The following GPR141 variants were observed in gnomAD, a reference collection of about 807,000 sequenced individuals.
The protein encoded by GPR141 is probable G protein-coupled receptor 141.
In GPR141, 6 loss-of-function variants were observed where a neutral mutation model predicts 6.8. The ratio of observed to expected loss-of-function variants is 0.88; its 90% confidence interval spans 0.48 to 1.74. The LOEUF is 1.74. GPR141 is among the 40% of genes most tolerant of loss of function. GPR141 has a pLI of 0.01. For missense variants in GPR141, 372 were observed against 372.9 expected, an observed-to-expected ratio of 1.00 and a Z score of 0.02; for synonymous variants, 140 against 142.3, an observed-to-expected ratio of 0.98 and a Z score of 0.11.
Position 37,714,965 on chromosome 7 carries a change from T to A in GPR141, c.-14-25415T>A, listed in dbSNP as rs549057575. 1.8e-4 allele frequency among the ~76,000 whole-genome samples: 27 copies of A among 152,366 alleles called. No individual in the cohort carries two copies. In the South Asian group the frequency reaches 3.5e-3, roughly 20 times the overall value. On this transcript the variant is annotated intron_variant, in intron 2 of 2. Coordinates refer to ENST00000334425, the MANE Select transcript of GPR141 (RefSeq NM_001381946.1). Reference sequence around the variant, plus strand: ...ATAGCATTTCTTTTCTGGATATTATTTGTCTTTATCCTGAATTCTGCAAAA... The same window carrying A: ...ATAGCATTTCTTTTCTGGATATTATATGTCTTTATCCTGAATTCTGCAAAA...
chr7:37,724,603 A>G (rs1313259101), intron 2 of GPR141, among the ~76,000 whole-genome samples: 2 of 152,172 alleles, frequency 1.3e-5, no homozygotes, highest in Non-Finnish European at 2.9e-5. Context: ...TTTTCTCAAT[A>G]TATTTTGGAT....
chr7:37,710,266 T>A (rs970431185), intron 2 of GPR141, among the ~76,000 whole-genome samples: 2 of 152,134 alleles, frequency 1.3e-5, no homozygotes, highest in African/African-American at 4.8e-5. Flanking sequence ...TTATGGAAAA[T>A]TTGAAATCTG....
At chr7:37,717,551 C>G (rs1180628605) in intron 2 of GPR141, among the ~76,000 whole-genome samples, 3 of 152,152 alleles carry the variant, frequency 2.0e-5, no homozygotes, top group Non-Finnish European at 4.4e-5. Context: ...CCATCCCTGA[C>G]ATTTTCTGCC....
At chr7:37,734,748 C>T (rs1201349685) in intron 2 of GPR141, among the ~76,000 whole-genome samples, 1 of 152,096 alleles carries the variant, frequency 6.6e-6, no homozygotes, top group African/African-American at 2.4e-5. Flanking sequence ...GAGAAAACTT[C>T]CCTAAAGAAC....
chr7:37,715,589 AG>A, intron 2 of GPR141, among the ~76,000 whole-genome samples: 1 of 152,348 alleles, frequency 6.6e-6, no homozygotes, highest in East Asian at 1.9e-4. Context: ...TTACAGATGA[AG>A]AAACAATGGC....
intron 2 of GPR141, among the ~76,000 whole-genome samples, chr7:37,739,910 G>A (rs1812441589): frequency 6.6e-6 from 1 of 152,066 alleles, no homozygotes; most frequent in Non-Finnish European, 1.5e-5. Context: ...AATGAATTAA[G>A]TATGAATATT....
intron 2 of GPR141, among the ~76,000 whole-genome samples, chr7:37,720,240 C>T (rs1056780490): frequency 6.6e-6 from 1 of 152,084 alleles, no homozygotes; most frequent in African/African-American, 2.4e-5. Flanking sequence ...GAGGGCCTGC[C>T]CCAGGCACTC....
chr7:37,740,005 C>T (rs190515510), intron 2 of GPR141, among the ~76,000 whole-genome samples: 1 of 152,088 alleles, frequency 6.6e-6, no homozygotes, highest in South Asian at 2.1e-4. Context: ...CTTCATGAAT[C>T]CATCGATCTT....
chr7:37,740,908 A>G lies in GPR141; in HGVS notation c.515A>G (p.Glu172Gly). The G allele has an allele frequency of 1.9e-6, 3 of 1,614,128 alleles. No individual in the cohort carries two copies. Among genetic ancestry groups the G allele is most frequent in the African/African-American group, 1.3e-5 (1 of 75,042 alleles). ...NEEHCFKFHK[E>G]LAYTYVKIIN... ...GAGCACTGTTTTAAATTTCACAAAG[A>G]GCTTGCTTACACATATGTGAAAATC... The change falls in exon 3 of 3, where the codon GAG becomes GGG. Residue 172 changes from glutamate (E) to glycine (G), a missense_variant. Glu to Gly is a moderately conservative substitution (Grantham distance 98). Coordinates refer to ENST00000334425, the MANE Select transcript of GPR141 (RefSeq NM_001381946.1).
At chr7:37,721,665 C>T (rs182996152) in intron 2 of GPR141, among the ~76,000 whole-genome samples, 90 of 152,192 alleles carry the variant, frequency 5.9e-4, no homozygotes, top group Non-Finnish European at 1.1e-3. Flanking sequence ...TTTTTGTTGG[C>T]GTGGCAGCTG....
intron 2 of GPR141, among the ~76,000 whole-genome samples, chr7:37,710,571 A>G (rs1194427493): frequency 1.3e-5 from 2 of 152,168 alleles, no homozygotes; most frequent in Admixed American, 1.3e-4. Flanking sequence ...TCATATTTTT[A>G]CAGTTGATTT....
intron 2 of GPR141, among the ~76,000 whole-genome samples, chr7:37,697,205 T>C (rs1050111446): frequency 6.6e-6 from 1 of 152,104 alleles, no homozygotes; most frequent in Admixed American, 6.5e-5. Flanking sequence ...AGATACTTAA[T>C]TACGAGAAAT....
At chr7:37,691,029 C>T (rs1221485199) in intron 2 of GPR141, among the ~76,000 whole-genome samples, 1 of 152,080 alleles carries the variant, frequency 6.6e-6, no homozygotes, top group East Asian at 1.9e-4. Context: ...TTGGTGTGTT[C>T]TCTTTCTGAA....
At chr7:37,701,339 A>T (rs1209008318) in intron 2 of GPR141, among the ~76,000 whole-genome samples, 1 of 152,148 alleles carries the variant, frequency 6.6e-6, no homozygotes, top group African/African-American at 2.4e-5. Flanking sequence ...TCTGACTTTA[A>T]TGTTTGAGTG....
chr7:37,721,782 T>C (rs1811338503), intron 2 of GPR141, among the ~76,000 whole-genome samples: 1 of 152,034 alleles, frequency 6.6e-6, no homozygotes, highest in Non-Finnish European at 1.5e-5. Flanking sequence ...TCTGGGAGAG[T>C]CTTCTCTCAC....
At position 37,741,100 on chromosome 7, in the gene GPR141, T is replaced by C. The variant is rs752268545; in HGVS notation, c.707T>C (p.Val236Ala). Residue 236 changes from valine to alanine, a missense_variant, in exon 3 of 3, where the codon GTT (valine) becomes GCT (alanine). Val to Ala is a moderately conservative substitution (Grantham distance 64). Coordinates refer to ENST00000334425, the MANE Select transcript of GPR141 (RefSeq NM_001381946.1). The part of the protein sequence containing the change: ...KNLFFIGVIL[V>A]CFLPYQFFRI... Reference sequence around the variant, plus strand: ...CTATTTTTTATAGGGGTCATCCTTGTTTGTTTCCTTCCCTACCAGTTCTTT... The same window carrying C: ...CTATTTTTTATAGGGGTCATCCTTGCTTGTTTCCTTCCCTACCAGTTCTTT... 6.2e-7 allele frequency: 1 copy of C among 1,613,976 alleles called. No homozygotes were observed.
chr7:37,688,095 T>C (rs1318134443), intron 2 of GPR141, among the ~76,000 whole-genome samples: 1 of 152,156 alleles, frequency 6.6e-6, no homozygotes, highest in African/African-American at 2.4e-5. Flanking sequence ...GGATGTACTT[T>C]GCTGGCCCAT....
At chr7:37,727,092 A>G (rs1463367878) in intron 2 of GPR141, among the ~76,000 whole-genome samples, 2 of 152,238 alleles carry the variant, frequency 1.3e-5, no homozygotes, top group Non-Finnish European at 2.9e-5. Context: ...TTTATTATAC[A>G]TCGAAGTGGA....
intron 2 of GPR141, among the ~76,000 whole-genome samples, chr7:37,706,941 G>A (rs1810550874): frequency 6.6e-6 from 1 of 152,074 alleles, no homozygotes; most frequent in African/African-American, 2.4e-5. Flanking sequence ...TCTCTCTCCT[G>A]AGAGCAACCA....
Sources: allele counts gnomAD v4.1 joint callset (sites outside exome capture counted in the v4.1 genomes callset), GRCh38; gene constraint gnomAD v4.1.1; transcripts MANE v1.5; gene names NCBI Gene and HGNC (gene_info 2026-07-23, HGNC 2026-07-21).